The following DSG4 variants were observed in gnomAD, a reference collection of about 807,000 sequenced individuals.
DSG4 encodes the protein desmoglein 4, also known as desmoglein-4.
Under a neutral mutation model 93.1 loss-of-function variants are expected in DSG4, and 87 were observed. That is an observed-to-expected ratio of 0.93 (90% CI 0.79 to 1.12). DSG4 has a LOEUF of 1.12. Ranked by LOEUF, DSG4 falls within the 50% of genes most tolerant of loss-of-function variation. The probability of loss-of-function intolerance (pLI) is 0.00; values close to 1 mark genes in which losing one functional copy is unlikely to be tolerated. For missense variants in DSG4, 1,373 were observed against 1,285.7 expected (o/e 1.07, Z -1.04); for synonymous variants, 432 against 452.9 (o/e 0.95, Z 0.59).
chr18:31,409,621 G>A (rs756694501), intron 13 of DSG4, 30 bp downstream of exon 13: 1 of 1,614,230 alleles, frequency 6.2e-7, no homozygotes, highest in Non-Finnish European at 8.5e-7. Flanking sequence ...CCAGAGAAGT[G>A]TGGAGTTTCA....
intron 1 of DSG4, among the ~76,000 whole-genome samples, chr18:31,384,729 G>A (rs543297534): frequency 1.3e-5 from 2 of 152,258 alleles, no homozygotes; most frequent in Non-Finnish European, 2.9e-5. Context: ...CGCTGACTTA[G>A]AGCCTTTACA....
At chr18:31,407,416 G>A (rs1243647796) in intron 12 of DSG4, among the ~76,000 whole-genome samples, 9 of 152,142 alleles carry the variant, frequency 5.9e-5, no homozygotes, top group Non-Finnish European at 1.5e-5. Flanking sequence ...TCACAGAAGT[G>A]GAAAGATCAC....
intron 8 of DSG4, among the ~76,000 whole-genome samples, chr18:31,397,022 A>T (rs1398436856): frequency 6.6e-6 from 1 of 151,684 alleles, no homozygotes; most frequent in African/African-American, 2.4e-5. Context: ...CTGTTGAAAA[A>T]CTGCTATCAC....
At chr18:31,401,150 A>G in intron 10 of DSG4, 130 bp downstream of exon 10, 1 of 686,828 alleles carries the variant, frequency 1.5e-6, no homozygotes. Flanking sequence ...GGAAAGCCCT[A>G]AACACCTTAA....
chr18:31,403,043 T>A (rs144785577), intron 10 of DSG4, among the ~76,000 whole-genome samples: 7 of 152,088 alleles, frequency 4.6e-5, no homozygotes, highest in African/African-American at 1.7e-4. Flanking sequence ...GGGGTCTAAT[T>A]TATGGGAACA....
chr18:31,391,015 G>C (rs1216845356), intron 6 of DSG4, 63 bp from the exon 7 acceptor site: 2 of 1,600,664 alleles, frequency 1.2e-6, no homozygotes, highest in Non-Finnish European at 1.7e-6. Context: ...TAATGGCATT[G>C]AATGCATTGG....
chr18:31,398,859 G>T (rs931910612), intron 8 of DSG4, among the ~76,000 whole-genome samples: 5 of 152,100 alleles, frequency 3.3e-5, no homozygotes, highest in African/African-American at 9.6e-5. Flanking sequence ...ACTTTCAAAA[G>T]ATTCTCAGAT....
In DSG4 at chr18:31,385,483, C is replaced by T. The variant is rs111921588; in HGVS notation, c.84+312C>T. Among the ~76,000 whole-genome samples, 35 of 152,184 alleles carry T rather than the reference C, an allele frequency of 2.3e-4. 1 individual carries two copies. The South Asian group carries it at 5.6e-3, about 24-fold the overall frequency. The stretch of plus-strand genomic sequence containing the variant: ...AGTGACACTTTAGAGTGGGAAGAGA[C>T]TGTTTAGACACATTAGACAGAAAGA... On this transcript the variant is annotated intron_variant, in intron 2 of 15. Coordinates refer to ENST00000308128, the MANE Select transcript of DSG4 (RefSeq NM_177986.5).
At chr18:31,411,981 T>C (rs1360532317) in intron 15 of DSG4, among the ~76,000 whole-genome samples, 2 of 152,168 alleles carry the variant, frequency 1.3e-5, no homozygotes, top group Non-Finnish European at 2.9e-5. Context: ...ATCCACCAAC[T>C]GACCTTCACT....
chr18:31,413,251 C>T lies in DSG4; in HGVS notation c.2779C>T (p.Pro927Ser). The change falls in exon 16 of 16, where the codon CCT (proline) becomes TCT (serine). Residue 927 changes from proline (P) to serine (S), a missense_variant. Pro to Ser is a moderately conservative substitution (Grantham distance 74). Coordinates refer to ENST00000308128, the MANE Select transcript of DSG4 (RefSeq NM_177986.5). ...CVQPTTIIFD[P>S]QLAPNVVVTE... ...GCAACCCACTACAATTATTTTTGAT[C>T]CTCAGCTTGCACCCAATGTTGTAGT... The T allele has an allele frequency of 6.2e-7, 1 of 1,614,126 alleles. No homozygotes were observed. Among genetic ancestry groups the T allele is most frequent in the Non-Finnish European group, 8.5e-7 (1 of 1,180,026 alleles).
chr18:31,404,258 T>C (rs1235721911), intron 11 of DSG4, among the ~76,000 whole-genome samples: 2 of 152,162 alleles, frequency 1.3e-5, no homozygotes, highest in South Asian at 2.1e-4. Flanking sequence ...TACAAAAGAA[T>C]GCATAAACCA....
chr18:31,399,461 A>T lies in DSG4; in HGVS notation c.1195A>T (p.Lys399Ter). The T allele has an allele frequency of 6.2e-7, 1 of 1,614,080 alleles. No homozygotes were observed. Among genetic ancestry groups the T allele is most frequent in the Admixed American group, 1.7e-5 (1 of 60,012 alleles). ...GGCTTTTAGTGTGCGGGAAGGAATAAAAGGAAGTTCCTTATTGAATTATGT... is the reference window on the plus strand; with the variant it reads ...GGCTTTTAGTGTGCGGGAAGGAATATAAGGAAGTTCCTTATTGAATTATGT... ...TMAFSVREGIKGSSLLNYVLG... is the reference protein window; with the variant it reads ...TMAFSVREGI The change falls in exon 9 of 16, where the codon AAA (lysine) becomes TAA (stop). Residue 399 changes from lysine to a stop codon, truncating the protein, a stop_gained. Coordinates refer to ENST00000308128, the MANE Select transcript of DSG4 (RefSeq NM_177986.5). LOFTEE classifies it high-confidence loss of function.
intron 10 of DSG4, among the ~76,000 whole-genome samples, chr18:31,401,955 G>C (rs747810881): frequency 6.6e-6 from 1 of 151,926 alleles, no homozygotes; most frequent in African/African-American, 2.4e-5. Flanking sequence ...AAATTTTAAC[G>C]CCTGGGTCAG....
At chr18:31,386,872 T>C in intron 3 of DSG4, 53 bp downstream of exon 3, 6 of 1,609,900 alleles carry the variant, frequency 3.7e-6, no homozygotes, top group East Asian at 2.2e-5. Context: ...AGGGAAGCTT[T>C]CAAATATCTC....
At chr18:31,395,220 A>AT (rs751352176) in intron 8 of DSG4, among the ~76,000 whole-genome samples, 11 of 152,000 alleles carry the variant, frequency 7.2e-5, no homozygotes, top group Non-Finnish European at 1.0e-4. Context: ...TATCTGACTT[A>AT]TGTAATGTGC....
intron 13 of DSG4, 46 bp downstream of exon 13, chr18:31,409,637 A>C (rs1475043580): frequency 6.2e-7 from 1 of 1,614,214 alleles, no homozygotes; most frequent in Middle Eastern, 1.7e-4. Context: ...TTTCAGTGGA[A>C]ATTGAGCATG....
chr18:31,403,478 T>G lies in DSG4; in HGVS notation c.1480T>G (p.Cys494Gly). The change falls in exon 11 of 16, where the codon TGT becomes GGT. Residue 494 changes from cysteine (C) to glycine (G), a missense_variant. By Grantham distance (159) the Cys-to-Gly change is radical (BLOSUM62 -3). Transcript: ENST00000308128. ...CIEVPDINDY[C>G]PNIFPERRTI... The stretch of plus-strand genomic sequence containing the variant: ...TGAGGTTCCTGATATCAATGATTAT[T>G]GTCCAAACATTTTTCCTGAAAGAAG... The G allele has an allele frequency of 6.2e-7, 1 of 1,614,002 alleles. No individual in the cohort carries two copies.
intron 1 of DSG4, 90 bp from the exon 2 acceptor site, chr18:31,385,046 T>C (rs534012689): frequency 9.0e-7 from 1 of 1,105,588 alleles, no homozygotes; most frequent in East Asian, 2.4e-5. Context: ...TAAAAATGAA[T>C]TAATAAAAGA....
rs766413476 is a variant in DSG4, at chr18:31,386,779, GAGA to G, written c.179_181del (p.Glu60del). On this transcript the variant is annotated inframe_deletion, in exon 3 of 16. Coordinates refer to ENST00000308128, the MANE Select transcript of DSG4 (RefSeq NM_177986.5). ...TGGATCAAGTTTGCCGCAGCCTGTCGAGAAGGAGAGGACAACTCGAAGAGGAAC... is the reference window on the plus strand; with the variant it reads ...TGGATCAAGTTTGCCGCAGCCTGTCGAGGAGAGGACAACTCGAAGAGGAAC... The G allele has an allele frequency of 1.2e-6, 2 of 1,613,392 alleles. No homozygotes were observed. The highest frequency in any genetic ancestry group is 1.1e-5 in the South Asian group (1 of 91,062).
Sources: allele counts gnomAD v4.1 joint callset (sites outside exome capture counted in the v4.1 genomes callset), GRCh38; gene constraint gnomAD v4.1.1; transcripts MANE v1.5; gene names NCBI Gene and HGNC (gene_info 2026-07-23, HGNC 2026-07-21).